Variants in MGAT5 observed in about 807,000 individuals in gnomAD.
The protein encoded by MGAT5 is alpha-1,6-mannosylglycoprotein 6-beta-N-acetylglucosaminyltransferase.
MGAT5 carries 30 observed loss-of-function variants against 94.3 expected under a neutral mutation model. The observed-to-expected ratio is 0.32, with a 90% CI of 0.24 to 0.43. MGAT5 has a LOEUF of 0.43. Ranked by LOEUF, MGAT5 falls within the 20% of genes least tolerant of loss-of-function variation. The pLI is 1.00. For synonymous variants in MGAT5, 310 were observed against 322.9 expected (o/e 0.96, Z 0.43); for missense variants, 691 against 905.5 (o/e 0.76, Z 3.04).
intron 2 of MGAT5, among the ~76,000 whole-genome samples, chr2:134,279,417 C>T (rs1331181873): frequency 6.6e-6 from 1 of 152,044 alleles, no homozygotes; most frequent in Non-Finnish European, 1.5e-5. Context: ...AAATTCAGGC[C>T]ACCTCCACTA....
intron 2 of MGAT5, among the ~76,000 whole-genome samples, 184 bp from the exon 3 acceptor site, chr2:134,317,345 A>G (rs534302850): frequency 6.6e-6 from 1 of 152,252 alleles, no homozygotes; most frequent in South Asian, 2.1e-4. Context: ...GGCTGTCCTC[A>G]GGTCAGTCAT....
chr2:134,291,114 G>C (rs1174702879), intron 2 of MGAT5, among the ~76,000 whole-genome samples: 1 of 152,144 alleles, frequency 6.6e-6, no homozygotes, highest in African/African-American at 2.4e-5. Flanking sequence ...AAGGTTAAAA[G>C]AGAAAATTGC....
chr2:134,227,314 A>G lies in MGAT5; in HGVS notation c.-142-26948A>G, dbSNP rs1681114839. ...TGGCTCCTTGTCTTTGGGGAAACAA[A>G]TAGTTTAAAAGGCCCATACTGGATT... On this transcript the variant is annotated intron_variant, in intron 1 of 16. Transcript: ENST00000409645. Among the ~76,000 whole-genome samples the G allele has an allele frequency of 2.0e-5, 3 of 152,158 alleles. 1 individual carries two copies. The South Asian group carries it at 6.2e-4, about 31-fold the overall frequency.
At chr2:134,183,805 A>G (rs1688868275) in intron 1 of MGAT5, among the ~76,000 whole-genome samples, 1 of 152,248 alleles carries the variant, frequency 6.6e-6, no homozygotes, top group Non-Finnish European at 1.5e-5. Context: ...ATGTTGAGCA[A>G]GGCGGCCAAG....
chr2:134,221,751 T>C (rs1283750047), intron 1 of MGAT5, among the ~76,000 whole-genome samples: 1 of 152,206 alleles, frequency 6.6e-6, no homozygotes, highest in East Asian at 1.9e-4. Flanking sequence ...AAAACCCATC[T>C]GGTGAGAATC....
chr2:134,168,695 G>C (rs1688063714), intron 1 of MGAT5, among the ~76,000 whole-genome samples: 1 of 152,200 alleles, frequency 6.6e-6, no homozygotes, highest in South Asian at 2.1e-4. Flanking sequence ...TTTGTTTCTA[G>C]TGCATATCAG....
rs72976154 is a variant in MGAT5, at chr2:134,263,427, T to C, written c.242-6959T>C. Reference sequence around the variant, plus strand: ...ATTCGCTTCTGGGCACAAGTTCTGGTGAAAGCTTAAATCTGTAGTTCTAAC... The same window carrying C: ...ATTCGCTTCTGGGCACAAGTTCTGGCGAAAGCTTAAATCTGTAGTTCTAAC... On this transcript the variant is annotated intron_variant, in intron 1 of 15. Transcript: ENST00000281923. 5.9e-3 allele frequency among the ~76,000 whole-genome samples: 894 copies of C among 152,342 alleles called. 15 individuals are homozygous for C. The highest frequency in any genetic ancestry group is 0.02 in the African/African-American group (830 of 41,574).
chr2:134,139,855 A>C (rs1456243157), intron 1 of MGAT5, among the ~76,000 whole-genome samples: 1 of 152,202 alleles, frequency 6.6e-6, no homozygotes, highest in Admixed American at 6.5e-5. Flanking sequence ...ACCCAGAGCA[A>C]GCAGAGGGAG....
intron 13 of MGAT5, among the ~76,000 whole-genome samples, chr2:134,424,582 G>A: frequency 6.6e-6 from 1 of 152,230 alleles, no homozygotes; most frequent in East Asian, 1.9e-4. Context: ...TCCTATGGAA[G>A]GGTGAAGGTT....
intron 1 of MGAT5, among the ~76,000 whole-genome samples, chr2:134,222,024 G>T (rs1680800167): frequency 6.6e-6 from 1 of 151,852 alleles, no homozygotes; most frequent in African/African-American, 2.4e-5. Context: ...TTGTTCCTCT[G>T]ATTTGATGGT....
intron 1 of MGAT5, among the ~76,000 whole-genome samples, chr2:134,213,693 T>C (rs1680320044): frequency 6.6e-6 from 1 of 152,148 alleles, no homozygotes; most frequent in African/African-American, 2.4e-5. Flanking sequence ...CTCAGAAACA[T>C]TTACTTATAT....
intron 10 of MGAT5, among the ~76,000 whole-genome samples, chr2:134,391,589 C>T (rs1164299633): frequency 3.3e-5 from 5 of 152,122 alleles, no homozygotes; most frequent in African/African-American, 1.2e-4. Context: ...CTTAAAAGGG[C>T]ACTATTCCTA....
intron 2 of MGAT5, among the ~76,000 whole-genome samples, chr2:134,308,454 G>A (rs17782600): frequency 1.2e-4 from 19 of 152,164 alleles, no homozygotes; most frequent in Non-Finnish European, 2.4e-4. Flanking sequence ...CTGGCTCATC[G>A]CATGTCCCAT....
intron 15 of MGAT5, among the ~76,000 whole-genome samples, chr2:134,442,526 G>C (rs569151059): frequency 3.9e-5 from 6 of 152,248 alleles, no homozygotes; most frequent in African/African-American, 1.4e-4. Context: ...CTGAGTCTGC[G>C]GGGTCTCTTG....
intron 10 of MGAT5, among the ~76,000 whole-genome samples, chr2:134,379,615 A>G (rs1292171764): frequency 1.3e-5 from 2 of 152,180 alleles, no homozygotes; most frequent in Non-Finnish European, 2.9e-5. Context: ...AGAGGTTTTT[A>G]CCAGCGAGCG....
chr2:134,130,470 TTC>T (rs1686098708), intron 1 of MGAT5, among the ~76,000 whole-genome samples: 1 of 152,238 alleles, frequency 6.6e-6, no homozygotes, highest in African/African-American at 2.4e-5. Flanking sequence ...CTAGCTGGGC[TTC>T]TGAGTCAAGT....
At chr2:134,261,397 C>G (rs1558740780) in intron 1 of MGAT5, among the ~76,000 whole-genome samples, 1 of 152,112 alleles carries the variant, frequency 6.6e-6, no homozygotes, top group Non-Finnish European at 1.5e-5. Context: ...CTAAAAAGCT[C>G]CGCACCCCCT....
At chr2:134,317,920 A>G (rs917670261) in intron 3 of MGAT5, among the ~76,000 whole-genome samples, 3 of 152,148 alleles carry the variant, frequency 2.0e-5, no homozygotes, top group African/African-American at 7.2e-5. Context: ...TCCTTGAAGG[A>G]CCAATGACAA....
chr2:134,208,807 T>G lies in MGAT5; in HGVS notation c.-142-45455T>G, dbSNP rs150832304. Among the ~76,000 whole-genome samples the G allele has an allele frequency of 1.7e-3, 266 of 152,370 alleles. 2 individuals are homozygous for G. Among genetic ancestry groups the G allele is most frequent in the African/African-American group, 6.0e-3 (249 of 41,590 alleles). On this transcript the variant is annotated intron_variant, in intron 1 of 16. Transcript: ENST00000409645. Reference sequence around the variant, plus strand: ...CCTTACCCACCTATGTGGCCTTTCTTGGCTGGACTTCTAAAAAATTTTGTT... The same window carrying G: ...CCTTACCCACCTATGTGGCCTTTCTGGGCTGGACTTCTAAAAAATTTTGTT...
Sources: gnomAD v4.1 joint callset for allele counts (sites outside exome capture counted in the v4.1 genomes callset) on GRCh38, gnomAD v4.1.1 for gene constraint, MANE v1.5 for transcripts, NCBI Gene and HGNC (gene_info 2026-07-23, HGNC 2026-07-21) for gene names.